Variants in R3HDM2 observed in about 807,000 individuals in gnomAD.
R3HDM2 encodes the protein R3H domain-containing protein 2.
R3HDM2 carries 38 observed loss-of-function variants against 124.5 expected under a neutral mutation model. That is an observed-to-expected ratio of 0.31 (90% CI 0.24 to 0.40). The LOEUF (loss-of-function observed/expected upper bound fraction) is 0.40. R3HDM2 is among the 10% of genes least tolerant of loss of function. The pLI is 1.00. For missense variants in R3HDM2, 869 were observed against 1,236.9 expected (o/e 0.70, Z 4.46); for synonymous variants, 391 against 448.0 (o/e 0.87, Z 1.61).
intron 2 of R3HDM2, among the ~76,000 whole-genome samples, chr12:57,343,611 A>T (rs2059807608): frequency 6.6e-6 from 1 of 152,094 alleles, no homozygotes; most frequent in African/African-American, 2.4e-5. Flanking sequence ...GCTATGGTCA[A>T]GGCATCCTGA....
intron 2 of R3HDM2, among the ~76,000 whole-genome samples, chr12:57,370,412 G>A (rs1377747039): frequency 1.6e-5 from 2 of 128,516 alleles, no homozygotes; most frequent in African/African-American, 3.0e-5. Context: ...GGGGGGGGCG[G>A]GGTGGATCAC....
At chr12:57,341,774 T>G (rs1421766971) in intron 2 of R3HDM2, among the ~76,000 whole-genome samples, 1 of 152,152 alleles carries the variant, frequency 6.6e-6, no homozygotes, top group Non-Finnish European at 1.5e-5. Flanking sequence ...TGCGGATAGC[T>G]GGGTAATGAC....
intron 19 of R3HDM2, among the ~76,000 whole-genome samples, chr12:57,264,625 T>G (rs543250965): frequency 4.8e-4 from 73 of 151,022 alleles, no homozygotes; most frequent in African/African-American, 1.8e-3. Flanking sequence ...TCCAGATTTT[T>G]TTTTTTTTTT....
At chr12:57,395,316 C>G (rs2067335953) in intron 2 of R3HDM2, among the ~76,000 whole-genome samples, 1 of 152,050 alleles carries the variant, frequency 6.6e-6, no homozygotes, top group South Asian at 2.1e-4. Flanking sequence ...ACCAGCCTGA[C>G]CAACACGGAG....
chr12:57,353,893 T>A (rs1180454094), intron 2 of R3HDM2, among the ~76,000 whole-genome samples: 2 of 152,318 alleles, frequency 1.3e-5, no homozygotes, highest in East Asian at 3.9e-4. Context: ...TCTCGCTCTG[T>A]CACCCAGGCT....
At chr12:57,364,585 T>C (rs1392249029) in intron 2 of R3HDM2, among the ~76,000 whole-genome samples, 4 of 152,152 alleles carry the variant, frequency 2.6e-5, no homozygotes. Flanking sequence ...TCTCACTGTG[T>C]CCTCATATGA....
chr12:57,313,236 G>A (rs185074603), intron 2 of R3HDM2, among the ~76,000 whole-genome samples: 32 of 152,102 alleles, frequency 2.1e-4, no homozygotes, highest in East Asian at 3.9e-4. Flanking sequence ...TGCATTCTCC[G>A]TATCTCTTGG....
intron 18 of R3HDM2, 108 bp downstream of exon 18, chr12:57,268,195 G>A: frequency 1.6e-6 from 2 of 1,248,614 alleles, no homozygotes; most frequent in African/African-American, 1.5e-5. Flanking sequence ...GGGAACTACT[G>A]GGATCTTTAC....
intron 2 of R3HDM2, among the ~76,000 whole-genome samples, chr12:57,315,250 C>G (rs2054772205): frequency 6.6e-6 from 1 of 152,122 alleles, no homozygotes; most frequent in Non-Finnish European, 1.5e-5. Flanking sequence ...GTTGGCCAGG[C>G]TGGTCTCCAA....
intron 1 of R3HDM2, among the ~76,000 whole-genome samples, chr12:57,416,130 A>T (rs1267547384): frequency 1.3e-5 from 2 of 152,188 alleles, no homozygotes; most frequent in African/African-American, 4.8e-5. Flanking sequence ...GAAATTATGG[A>T]GTGAGGTATC....
Position 57,265,627 on chromosome 12 carries a change from C to CT in R3HDM2, c.2131+1103dup, listed in dbSNP as rs535601671. Among the ~76,000 whole-genome samples, 191 of 151,664 alleles carry CT rather than the reference C, an allele frequency of 1.3e-3. 1 individual carries two copies. Among genetic ancestry groups the CT allele is most frequent in the African/African-American group, 4.1e-3 (170 of 41,394 alleles). On this transcript the variant is annotated intron_variant, in intron 19 of 23. Coordinates refer to ENST00000402412, the MANE Select transcript of R3HDM2 (RefSeq NM_001394031.1). Reference sequence around the variant, plus strand: ...AGGGCTGAGGCAACCAATGTCATTTCTTTTTTTTTCCCCCTAGAGACAGGG... The same window carrying CT: ...AGGGCTGAGGCAACCAATGTCATTTCTTTTTTTTTTCCCCCTAGAGACAGGG...
chr12:57,256,606 T>C (rs2039094388), intron 21 of R3HDM2, 95 bp from the exon 22 acceptor site: 2 of 839,324 alleles, frequency 2.4e-6, no homozygotes, highest in Non-Finnish European at 3.6e-6. Context: ...CAACAATGCA[T>C]ACTATTCCTA....
At chr12:57,314,038 A>G (rs188111700) in intron 2 of R3HDM2, among the ~76,000 whole-genome samples, 2 of 151,380 alleles carry the variant, frequency 1.3e-5, no homozygotes, top group Admixed American at 6.6e-5. Context: ...AAAATACAAA[A>G]TTAGCCAGGT....
chr12:57,332,832 G>A (rs2058377230), intron 2 of R3HDM2, among the ~76,000 whole-genome samples: 1 of 152,146 alleles, frequency 6.6e-6, no homozygotes, highest in African/African-American at 2.4e-5. Flanking sequence ...CTGAGATGGA[G>A]GTGATGATAT....
chr12:57,298,829 G>A (rs11172145), intron 6 of R3HDM2, among the ~76,000 whole-genome samples: 55,875 of 151,822 alleles, frequency 0.37, 11,700 homozygotes, highest in Middle Eastern at 0.75. Context: ...CAGGTGTGGT[G>A]GCATGTGCCT....
intron 2 of R3HDM2, among the ~76,000 whole-genome samples, chr12:57,371,738 A>G (rs1372630422): frequency 2.0e-5 from 3 of 152,232 alleles, no homozygotes; most frequent in Admixed American, 6.5e-5. Context: ...GTATAACATA[A>G]TATCTTTGAG....
At chr12:57,325,983 A>C (rs1199211784) in intron 2 of R3HDM2, among the ~76,000 whole-genome samples, 2 of 151,946 alleles carry the variant, frequency 1.3e-5, no homozygotes, top group Non-Finnish European at 2.9e-5. Context: ...AGTATTTCAA[A>C]CTTTTTCCTT....
At chr12:57,348,716 AAAAAAGAGAG>A (rs1566281656) in intron 2 of R3HDM2, among the ~76,000 whole-genome samples, 5 of 57,826 alleles carry the variant, frequency 8.6e-5, no homozygotes, top group South Asian at 4.6e-4. Context: ...AAAAAAAAAA[AAAAAAGAGAG>A]AGAAAAATTA....
intron 2 of R3HDM2, among the ~76,000 whole-genome samples, chr12:57,342,130 G>C (rs887662661): frequency 6.6e-6 from 1 of 151,962 alleles, no homozygotes; most frequent in African/African-American, 2.4e-5. Flanking sequence ...TGGAGTTCAA[G>C]GACTTTTATA....
Sources: gnomAD v4.1 joint callset for allele counts (sites outside exome capture counted in the v4.1 genomes callset) on GRCh38, gnomAD v4.1.1 for gene constraint, MANE v1.5 for transcripts, NCBI Gene and HGNC (gene_info 2026-07-23, HGNC 2026-07-21) for gene names.